Variants in GRIN2A observed in about 807,000 individuals in gnomAD.
The protein encoded by GRIN2A is glutamate receptor ionotropic, NMDA 2A.
In GRIN2A, 22 loss-of-function variants were observed where a neutral mutation model predicts 113.4. That is an observed-to-expected ratio of 0.19 (90% CI 0.14 to 0.28). GRIN2A has a LOEUF of 0.28. Ranked by LOEUF, GRIN2A falls within the 10% of genes least tolerant of loss-of-function variation. The pLI is 1.00. For missense variants in GRIN2A, 1,502 were observed against 1,887.0 expected (o/e 0.80, Z 3.78); for synonymous variants, 827 against 738.4 (o/e 1.12, Z -1.94).
intron 3 of GRIN2A, among the ~76,000 whole-genome samples, chr16:9,897,344 T>C (rs1019046900): frequency 6.6e-6 from 1 of 152,110 alleles, no homozygotes. Context: ...TTGTGCTCTA[T>C]GAATGGTGAT....
chr16:10,144,094 T>C (rs1424684799), intron 2 of GRIN2A, among the ~76,000 whole-genome samples: 2 of 152,182 alleles, frequency 1.3e-5, no homozygotes. Context: ...CTTTGGGATA[T>C]GTACCCAGAA....
At chr16:9,768,738 C>G (rs1165148584) in intron 12 of GRIN2A, 113 bp downstream of exon 12, 2 of 805,860 alleles carry the variant, frequency 2.5e-6, no homozygotes, top group Non-Finnish European at 4.5e-6. Flanking sequence ...TTGTGACATG[C>G]CCAAGAAAGG....
chr16:10,043,100 T>G (rs1832639998), intron 2 of GRIN2A, among the ~76,000 whole-genome samples: 1 of 152,254 alleles, frequency 6.6e-6, no homozygotes, highest in South Asian at 2.1e-4. Context: ...AAGGAGCTAC[T>G]TGTAATGGGC....
chr16:9,901,411 A>G (rs1346014723), intron 3 of GRIN2A, among the ~76,000 whole-genome samples: 1 of 152,106 alleles, frequency 6.6e-6, no homozygotes, highest in Non-Finnish European at 1.5e-5. Context: ...CTCCACTTAC[A>G]TCGTTAATAT....
At chr16:9,933,422 A>C (rs959797232) in intron 3 of GRIN2A, among the ~76,000 whole-genome samples, 1 of 152,148 alleles carries the variant, frequency 6.6e-6, no homozygotes, top group African/African-American at 2.4e-5. Context: ...CTTTGTTCTC[A>C]ACCAGTCAAA....
intron 2 of GRIN2A, among the ~76,000 whole-genome samples, chr16:9,988,562 C>A (rs1243448825): frequency 2.0e-5 from 3 of 150,854 alleles, no homozygotes; most frequent in Non-Finnish European, 4.4e-5. Context: ...CTCTCTCTCT[C>A]TAACACAAAC....
intron 9 of GRIN2A, among the ~76,000 whole-genome samples, chr16:9,824,772 G>C (rs2042355220): frequency 6.6e-6 from 1 of 152,038 alleles, no homozygotes; most frequent in Admixed American, 6.5e-5. Context: ...TATACTCTGA[G>C]GTTATCCATT....
In GRIN2A at chr16:9,763,771, C is replaced by T; in HGVS notation, c.3773G>A (p.Gly1258Asp). Residue 1258 changes from glycine (G) to aspartate (D), a missense_variant, in exon 13 of 13, where the codon GGT becomes GAT. Gly to Asp is a moderately conservative substitution (Grantham distance 94). Coordinates refer to ENST00000330684, the MANE Select transcript of GRIN2A (RefSeq NM_001134407.3). ...GACCTGCTCCCCGGTGGCTGGGTTA[C>T]CTGTCTCCTGAAGCATCTGGTCTTC... ...IDEDQMLQET[G>D]NPATGEQVYQ... 4 of 1,614,134 alleles carry T rather than the reference C, an allele frequency of 2.5e-6. No individual in the cohort carries two copies. Among genetic ancestry groups the T allele is most frequent in the Non-Finnish European group, 3.4e-6 (4 of 1,180,026 alleles).
chr16:10,110,838 G>C (rs2048599515), intron 2 of GRIN2A, among the ~76,000 whole-genome samples: 1 of 152,216 alleles, frequency 6.6e-6, no homozygotes, highest in African/African-American at 2.4e-5. Context: ...AAGGAGCTGA[G>C]CCCCTGAATC....
intron 2 of GRIN2A, among the ~76,000 whole-genome samples, chr16:10,006,294 G>C (rs1257183865): frequency 6.6e-6 from 1 of 152,148 alleles, no homozygotes; most frequent in Admixed American, 6.5e-5. Flanking sequence ...TTCAACATCT[G>C]CATCAATAAA....
intron 2 of GRIN2A, among the ~76,000 whole-genome samples, chr16:10,164,218 T>C (rs2049861317): frequency 6.6e-6 from 1 of 152,250 alleles, no homozygotes; most frequent in Admixed American, 6.5e-5. Context: ...TGAATAAATG[T>C]GAGTCTCACT....
Position 9,828,958 on chromosome 16 carries a change from C to G in GRIN2A, c.2007+465G>C, listed in dbSNP as rs16966437. Among the ~76,000 whole-genome samples the G allele has an allele frequency of 2.9e-3, 449 of 152,290 alleles. 4 individuals are homozygous for G. Among genetic ancestry groups the G allele is most frequent in the African/African-American group, 0.01 (436 of 41,574 alleles). Reference sequence around the variant, plus strand: ...TGGCTGTATGGAAAAGAGGAGCTGTCAGATAATTTTGTCTCTGGGTAGGGC... The same window carrying G: ...TGGCTGTATGGAAAAGAGGAGCTGTGAGATAATTTTGTCTCTGGGTAGGGC... On this transcript the variant is annotated intron_variant, in intron 9 of 12. Coordinates refer to ENST00000330684, the MANE Select transcript of GRIN2A (RefSeq NM_001134407.3).
intron 2 of GRIN2A, among the ~76,000 whole-genome samples, chr16:10,049,508 G>T (rs955539162): frequency 6.6e-6 from 1 of 151,992 alleles, no homozygotes; most frequent in Admixed American, 6.5e-5. Context: ...CTCCTGAGTA[G>T]CTGGGGTTAC....
chr16:9,936,652 G>A (rs1288602812), intron 3 of GRIN2A, among the ~76,000 whole-genome samples: 2 of 152,118 alleles, frequency 1.3e-5, no homozygotes, highest in African/African-American at 2.4e-5. Flanking sequence ...TTAAATGTTC[G>A]CCAAGATGGG....
chr16:10,116,653 G>T (rs1343223850), intron 2 of GRIN2A, among the ~76,000 whole-genome samples: 1 of 152,088 alleles, frequency 6.6e-6, no homozygotes, highest in Non-Finnish European at 1.5e-5. Context: ...GACAGGAAAG[G>T]AAAAGAAGCC....
intron 2 of GRIN2A, among the ~76,000 whole-genome samples, chr16:10,091,477 C>T (rs1353303577): frequency 1.3e-5 from 2 of 151,768 alleles, no homozygotes; most frequent in Admixed American, 1.3e-4. Context: ...CACACACACA[C>T]ACACACACAC....
chr16:10,039,808 G>GAGAGAGAGAGAGAGAGAGAGAGAGAGAGA lies in GRIN2A; in HGVS notation c.415-101258_415-101257insTCTCTCTCTCTCTCTCTCTCTCTCTCTCT, dbSNP rs373952509. On this transcript the variant is annotated intron_variant, in intron 2 of 12. Transcript: ENST00000330684. ...AGGGGGAGGGGGAGGGGGAGGGGGG[G>GAGAGAGAGAGAGAGAGAGAGAGAGAGAGA]GAGAAAGAGAGAGAGAGAGAGAGAG... Among the ~76,000 whole-genome samples the GAGAGAGAGAGAGAGAGAGAGAGAGAGAGA allele has an allele frequency of 7.2e-4, 46 of 63,824 alleles. 1 individual carries two copies. Among genetic ancestry groups the GAGAGAGAGAGAGAGAGAGAGAGAGAGAGA allele is most frequent in the South Asian group, 5.1e-3 (6 of 1,174 alleles). 41.9% of individuals were successfully genotyped at this position (63,824 alleles called of 152,430 possible).
chr16:10,120,208 A>G (rs1422253193), intron 2 of GRIN2A, among the ~76,000 whole-genome samples: 1 of 152,114 alleles, frequency 6.6e-6, no homozygotes, highest in Non-Finnish European at 1.5e-5. Context: ...GGAGATTTTT[A>G]CCACCAGGAA....
intron 2 of GRIN2A, among the ~76,000 whole-genome samples, chr16:10,116,123 G>A (rs1177206595): frequency 1.3e-5 from 2 of 152,138 alleles, no homozygotes; most frequent in Non-Finnish European, 1.5e-5. Flanking sequence ...TACATATTAT[G>A]GAATACTATC....
Sources: gnomAD v4.1 joint callset for allele counts (sites outside exome capture counted in the v4.1 genomes callset) on GRCh38, gnomAD v4.1.1 for gene constraint, MANE v1.5 for transcripts, NCBI Gene and HGNC (gene_info 2026-07-23, HGNC 2026-07-21) for gene names.